Variants in CAMK2G observed in about 807,000 individuals in gnomAD.
The protein encoded by CAMK2G is calcium/calmodulin dependent protein kinase II gamma, also known as calcium/calmodulin-dependent protein kinase type II subunit gamma.
A neutral mutation model predicts 88.7 loss-of-function variants in CAMK2G; 23 were observed. The observed-to-expected ratio is 0.26, with a 90% CI of 0.19 to 0.37. The LOEUF (loss-of-function observed/expected upper bound fraction) is 0.37. Among genes scored for constraint, CAMK2G ranks in the 10% least tolerant of loss-of-function variants. The pLI is 1.00. For synonymous variants in CAMK2G, 263 were observed against 294.8 expected (o/e 0.89, Z 1.11); for missense variants, 476 against 780.8 (o/e 0.61, Z 4.65).
At chr10:73,862,464 C>T (rs2095424506) in intron 2 of CAMK2G, among the ~76,000 whole-genome samples, 1 of 152,140 alleles carries the variant, frequency 6.6e-6, no homozygotes, top group African/African-American at 2.4e-5. Context: ...TTACTAATAA[C>T]AGTAGTCGCC....
At chr10:73,873,155 G>C in intron 1 of CAMK2G, 72 bp from the exon 2 acceptor site, 1 of 1,120,404 alleles carries the variant, frequency 8.9e-7, no homozygotes, top group Non-Finnish European at 1.4e-6. Context: ...TCAAGTCTGG[G>C]GACGATGATG....
intron 10 of CAMK2G, among the ~76,000 whole-genome samples, chr10:73,845,277 G>C (rs934109867): frequency 6.6e-6 from 1 of 152,018 alleles, no homozygotes; most frequent in Non-Finnish European, 1.5e-5. Flanking sequence ...GACTCAGCAG[G>C]CACAAAATGA....
chr10:73,814,853 A>AACTT (rs2133002145), intron 22 of CAMK2G, 150 bp downstream of exon 22: 2 of 608,738 alleles, frequency 3.3e-6, no homozygotes, highest in African/African-American at 1.8e-5. Flanking sequence ...TTCCAAGCAT[A>AACTT]ACTTATTGCA....
At position 73,815,059 on chromosome 10, in the gene CAMK2G, C is replaced by T. The variant is rs758647668; in HGVS notation, c.1723G>A (p.Val575Ile). 23 of 1,614,134 alleles carry T rather than the reference C, an allele frequency of 1.4e-5. No homozygotes were observed. The South Asian group carries it at 2.4e-4, about 17-fold the overall frequency. ...WHRRDGKWLNVHYHCSGAPAA... is the reference protein window; with the variant it reads ...WHRRDGKWLNIHYHCSGAPAA... ...GGGGCCCCTGAGCAGTGATAGTGGA[C>T]ATTGAGCCACTTGCCATCCCGACGG... The change falls in exon 22 of 23, where the codon GTC becomes ATC. Residue 575 changes from valine to isoleucine, a missense_variant. Around this residue, in one of 3 missense-constraint regions of CAMK2G, gnomAD observed 278 missense variants for 366.5 expected, o/e 0.76. Coordinates refer to ENST00000423381, the MANE Select transcript of CAMK2G (RefSeq NM_001367534.1).
At chr10:73,827,481 C>G (rs1395837115) in intron 15 of CAMK2G, among the ~76,000 whole-genome samples, 1 of 152,208 alleles carries the variant, frequency 6.6e-6, no homozygotes, top group Non-Finnish European at 1.5e-5. Context: ...GCCCGGCCCC[C>G]ACCTCTGGTT....
intron 14 of CAMK2G, chr10:73,837,201 T>G: frequency 2.1e-6 from 1 of 484,444 alleles, no homozygotes; most frequent in Non-Finnish European, 3.8e-6. Context: ...CGTGTAGAAG[T>G]CAGGTTCCGG....
intron 12 of CAMK2G, among the ~76,000 whole-genome samples, chr10:73,840,929 A>C (rs190087295): frequency 2.0e-5 from 3 of 152,356 alleles, no homozygotes; most frequent in Non-Finnish European, 4.4e-5. Context: ...GGAGGCAGCC[A>C]GCCACGCTTC....
At position 73,826,326 on chromosome 10, in the gene CAMK2G, G is replaced by A. The variant is rs533109398; in HGVS notation, c.1087-979C>T. Among the ~76,000 whole-genome samples the A allele has an allele frequency of 6.0e-4, 91 of 152,198 alleles. 1 individual carries two copies. The highest frequency in any genetic ancestry group is 1.9e-4 in the Non-Finnish European group (13 of 68,018). On this transcript the variant is annotated intron_variant, in intron 15 of 22. Coordinates refer to ENST00000423381, the MANE Select transcript of CAMK2G (RefSeq NM_001367534.1). ...CACATGCCTGTAATCCCAGCTACTC[G>A]GGAGGCTGAGACAAGAGAATTGCTT...
intron 5 of CAMK2G, among the ~76,000 whole-genome samples, chr10:73,850,003 AT>A: frequency 6.6e-6 from 1 of 152,206 alleles, no homozygotes; most frequent in Non-Finnish European, 1.5e-5. Context: ...TTATTTTATT[AT>A]TTTATTTTTG....
chr10:73,814,850 C>T, intron 22 of CAMK2G, 153 bp downstream of exon 22: 2 of 607,668 alleles, frequency 3.3e-6, no homozygotes, highest in Non-Finnish European at 5.8e-6. Context: ...GATTTCCAAG[C>T]ATAACTTATT....
rs2093567993 is a variant in CAMK2G at position 73,839,416 on chromosome 10, A to G, written c.1009+123T>C. 1 of 458,412 alleles carries G rather than the reference A, an allele frequency of 2.2e-6. No individual in the cohort carries two copies. The highest frequency in any genetic ancestry group is 3.6e-6 in the Non-Finnish European group (1 of 281,512). The allele number at this position is 458,412 out of a possible 1,614,324, so 28.4% of individuals were successfully genotyped here. On this transcript the variant is annotated intron_variant, in intron 13 of 22. Coordinates refer to ENST00000423381, the MANE Select transcript of CAMK2G (RefSeq NM_001367534.1). The surrounding 1 kb of genome is among the most constrained non-coding windows in gnomAD (Gnocchi z 4.2). The stretch of plus-strand genomic sequence containing the variant: ...TGCCAAGTTAGGTAGTCTGTCTGGC[A>G]TGCCCATCTCAGCCCGCAAGCATGG...
At chr10:73,855,833 T>C (rs2094988170) in intron 3 of CAMK2G, among the ~76,000 whole-genome samples, 1 of 152,194 alleles carries the variant, frequency 6.6e-6, no homozygotes, top group Non-Finnish European at 1.5e-5. Flanking sequence ...TGAATAAGAC[T>C]GCTATCGACA....
chr10:73,869,655 C>T (rs1434232473), intron 2 of CAMK2G, among the ~76,000 whole-genome samples: 1 of 152,222 alleles, frequency 6.6e-6, no homozygotes, highest in East Asian at 1.9e-4. Flanking sequence ...CCTGCCCATG[C>T]AGAAGTATAG....
intron 21 of CAMK2G, among the ~76,000 whole-genome samples, 185 bp from the exon 22 acceptor site, chr10:73,815,432 C>T (rs979155411): frequency 2.1e-5 from 3 of 143,550 alleles, no homozygotes; most frequent in Admixed American, 7.0e-5. Flanking sequence ...TTACATTAGT[C>T]TCCTTTATCC....
chr10:73,839,890 G>A lies in CAMK2G; in HGVS notation c.947-289C>T, dbSNP rs1355504283. Reference sequence around the variant, plus strand: ...CCCCCTCCGGAGGAGGGTCCACAGCGAAATGCCTGAGCCGGTGAGAGGCAG... The same window carrying A: ...CCCCCTCCGGAGGAGGGTCCACAGCAAAATGCCTGAGCCGGTGAGAGGCAG... On this transcript the variant is annotated intron_variant, in intron 12 of 22. Coordinates refer to ENST00000423381, the MANE Select transcript of CAMK2G (RefSeq NM_001367534.1). This position sits in a 1 kb window ranked among gnomAD's most constrained non-coding sequence, Gnocchi z 4.2. Among the ~76,000 whole-genome samples the A allele has an allele frequency of 1.3e-5, 2 of 152,182 alleles. No homozygotes were observed. The highest frequency in any genetic ancestry group is 1.9e-4 in the East Asian group (1 of 5,190).
intron 1 of CAMK2G, 88 bp downstream of exon 1, chr10:73,874,309 G>T (rs1024045093): frequency 3.6e-6 from 3 of 843,492 alleles, no homozygotes; most frequent in South Asian, 5.4e-5. Context: ...GAGCCGCAGC[G>T]GCCGGTGCAG....
Position 73,842,006 on chromosome 10 carries a change from G to T in CAMK2G, c.946+163C>A. On this transcript the variant is annotated intron_variant, in intron 12 of 22. Transcript: ENST00000423381. This position sits in a 1 kb window ranked among gnomAD's most constrained non-coding sequence, Gnocchi z 4.6. ...TCCAGCCCCCTGAATCTCAGGAGCA[G>T]GACTCAGCAGCAGCAGCAGCCCCTC... 1 of 682,150 alleles carries T rather than the reference G, an allele frequency of 1.5e-6. No homozygotes were observed. The allele number at this position is 682,150 out of a possible 1,614,324, so 42.3% of individuals were successfully genotyped here.
chr10:73,870,454 A>C (rs567345054), intron 2 of CAMK2G, among the ~76,000 whole-genome samples: 1 of 152,322 alleles, frequency 6.6e-6, no homozygotes, highest in Non-Finnish European at 1.5e-5. Flanking sequence ...GACAAGACAC[A>C]ACAGCCCAAA....
chr10:73,826,424 C>T (rs752121307), intron 15 of CAMK2G, among the ~76,000 whole-genome samples: 1 of 152,132 alleles, frequency 6.6e-6, no homozygotes, highest in Non-Finnish European at 1.5e-5. Flanking sequence ...CAGAGCAAGA[C>T]TCCATCTCAA....
Sources: gnomAD v4.1 joint callset for allele counts (sites outside exome capture counted in the v4.1 genomes callset) on GRCh38, gnomAD v4.1.1 for gene constraint, gnomAD v4.1.1 regional missense constraint, Gnocchi (gnomAD v3.1) non-coding constraint, MANE v1.5 for transcripts, NCBI Gene and HGNC (gene_info 2026-07-23, HGNC 2026-07-21) for gene names.